Variants in SLC16A2 observed in about 807,000 individuals in gnomAD.
The protein encoded by SLC16A2 is monocarboxylate transporter 8.
Under a neutral mutation model 27.2 loss-of-function variants are expected in SLC16A2, and 3 were observed. The ratio of observed to expected loss-of-function variants is 0.11; its 90% confidence interval spans 0.05 to 0.28. The LOEUF (loss-of-function observed/expected upper bound fraction) is 0.28, where lower values mean the gene tolerates loss of function less well. SLC16A2 is among the 10% of genes least tolerant of loss of function. The pLI is 1.00. For synonymous variants in SLC16A2, 202 were observed against 187.8 expected, an observed-to-expected ratio of 1.08 and a Z score of -0.62; for missense variants, 295 against 458.5, an observed-to-expected ratio of 0.64 and a Z score of 3.26.
intron 1 of SLC16A2, among the ~76,000 whole-genome samples, chrX:74,489,271 G>T (rs4892384): frequency 0.31 from 34,023 of 110,226 alleles, 5,052 homozygotes; most frequent in East Asian, 0.86. Context: ...TTTTTACCAA[G>T]AACTCAGGAT....
At chrX:74,461,407 A>AGTGTGT (rs140818072) in intron 1 of SLC16A2, among the ~76,000 whole-genome samples, 241 of 103,815 alleles carry the variant, frequency 2.3e-3, no homozygotes, top group Non-Finnish European at 3.4e-3. Flanking sequence ...AGAGAGAGAG[A>AGTGTGT]GTGTGTGTGT....
At chrX:74,498,096 T>C (rs1473756371) in intron 1 of SLC16A2, among the ~76,000 whole-genome samples, 1 of 111,376 alleles carries the variant, frequency 9.0e-6, no homozygotes. Flanking sequence ...GGTTTAACCT[T>C]AAAGGAAGGA....
At chrX:74,442,065 C>T (rs943113301) in intron 1 of SLC16A2, among the ~76,000 whole-genome samples, 6 of 109,150 alleles carry the variant, frequency 5.5e-5, no homozygotes, top group African/African-American at 2.0e-4. Context: ...CCCGTCTCTA[C>T]TAGAAACACA....
chrX:74,427,788 CAT>C (rs1569282231), intron 1 of SLC16A2, among the ~76,000 whole-genome samples: 31 of 98,459 alleles, frequency 3.1e-4, no homozygotes, highest in Non-Finnish European at 1.2e-4. Flanking sequence ...TGCGCAAGCG[CAT>C]GCGCACGCGT....
rs1433729647 is a variant in SLC16A2 at position 74,532,426 on chromosome X, T to G, written c.*873T>G. The G allele has an allele frequency of 8.9e-6, 1 of 112,191 alleles. No homozygotes were observed. Among genetic ancestry groups the G allele is most frequent in the African/African-American group, 3.3e-5 (1 of 30,722 alleles). The allele number at this position is 112,191 out of a possible 1,213,427, so 9.2% of individuals were successfully genotyped here. ...GTGTTCCATGTTCCAGTCACTGATT[T>G]TTACAAATCTTACAGTCCAAGGCAT... On this transcript the variant is annotated 3_prime_UTR_variant, in exon 6 of 6. Transcript: ENST00000587091.
intron 1 of SLC16A2, among the ~76,000 whole-genome samples, chrX:74,501,802 T>TA (rs1171891902): frequency 5.4e-5 from 6 of 111,295 alleles, no homozygotes; most frequent in African/African-American, 1.6e-4. Context: ...TGGAGTCCTG[T>TA]GTTCAAGCAC....
intron 1 of SLC16A2, among the ~76,000 whole-genome samples, chrX:74,451,502 A>G (rs1291727113): frequency 8.9e-6 from 1 of 112,438 alleles, no homozygotes; most frequent in Non-Finnish European, 1.9e-5. Flanking sequence ...GCACTTTTCC[A>G]ATGAATCCCC....
intron 3 of SLC16A2, 34 bp from the exon 4 acceptor site, chrX:74,525,716 C>T (rs956630206): frequency 4.1e-6 from 5 of 1,210,060 alleles, no homozygotes; most frequent in African/African-American, 1.7e-5. Context: ...CTTTCTCCTC[C>T]TGTTTCTGGG....
chrX:74,512,043 T>C (rs1329257217), intron 1 of SLC16A2, among the ~76,000 whole-genome samples: 1 of 111,876 alleles, frequency 8.9e-6, no homozygotes, highest in African/African-American at 3.3e-5. Flanking sequence ...TCCTTTTAAA[T>C]ATGTTTCACC....
intron 1 of SLC16A2, among the ~76,000 whole-genome samples, chrX:74,442,018 T>C (rs1236856053): frequency 7.3e-5 from 8 of 108,997 alleles, no homozygotes; most frequent in African/African-American, 2.3e-4. Context: ...CACCTGAGGT[T>C]GGGAGTTGAA....
rs939160890 is a variant in SLC16A2 at position 74,476,244 on chromosome X, T to C, written c.431-44746T>C. 2.7e-5 allele frequency among the ~76,000 whole-genome samples: 3 copies of C among 112,044 alleles called. No individual in the cohort carries two copies. In the Admixed American group the frequency reaches 2.8e-4, roughly 11 times the overall value. On this transcript the variant is annotated intron_variant, in intron 1 of 5. Transcript: ENST00000587091. Reference sequence around the variant, plus strand: ...AGGTATTTTATTCTCTTTGAAGCAATTGTGAATGGGAGTTCACTCCTGATT... The same window carrying C: ...AGGTATTTTATTCTCTTTGAAGCAACTGTGAATGGGAGTTCACTCCTGATT...
At chrX:74,473,966 A>G (rs898972395) in intron 1 of SLC16A2, 1 of 314,152 alleles carries the variant, frequency 3.2e-6, no homozygotes, top group African/African-American at 2.7e-5. Flanking sequence ...TGGCAGAGTG[A>G]AGACAGACTT....
chrX:74,444,499 T>G, intron 1 of SLC16A2, among the ~76,000 whole-genome samples: 1 of 112,045 alleles, frequency 8.9e-6, no homozygotes, highest in Admixed American at 9.5e-5. Context: ...ATCCGAAAGC[T>G]TGGGTTCTAC....
At chrX:74,490,316 T>C (rs1006015554) in intron 1 of SLC16A2, among the ~76,000 whole-genome samples, 3 of 108,825 alleles carry the variant, frequency 2.8e-5, no homozygotes, top group African/African-American at 1.0e-4. Flanking sequence ...CCAAAGGGGG[T>C]AATTCTCCTT....
At chrX:74,527,024 C>T (rs1292917955) in intron 4 of SLC16A2, among the ~76,000 whole-genome samples, 1 of 112,144 alleles carries the variant, frequency 8.9e-6, no homozygotes, top group Non-Finnish European at 1.9e-5. Context: ...GAAGAGGCAG[C>T]AGCCCCTGCC....
At chrX:74,511,460 C>G (rs1017050615) in intron 1 of SLC16A2, among the ~76,000 whole-genome samples, 1 of 112,273 alleles carries the variant, frequency 8.9e-6, no homozygotes, top group Non-Finnish European at 1.9e-5. Flanking sequence ...GGATTACAGG[C>G]GTGAGCCACC....
intron 1 of SLC16A2, among the ~76,000 whole-genome samples, chrX:74,435,200 C>T (rs1053875831): frequency 9.1e-6 from 1 of 110,285 alleles, no homozygotes; most frequent in Non-Finnish European, 1.9e-5. Flanking sequence ...TGAATTTCAT[C>T]ATGTGCCAAT....
rs1405484241 is a variant in SLC16A2, at chrX:74,476,056, A to C, written c.431-44934A>C. On this transcript the variant is annotated intron_variant, in intron 1 of 5. Coordinates refer to ENST00000587091, the MANE Select transcript of SLC16A2 (RefSeq NM_006517.5). ...GCTTGATGGGGATGGCATTGAATCT[A>C]TAAATTACCTTGGGCAGTATGGCCA... 5.4e-5 allele frequency among the ~76,000 whole-genome samples: 6 copies of C among 111,250 alleles called. No homozygotes were observed. In the East Asian group the frequency reaches 1.4e-3, roughly 26 times the overall value.
rs368034033 is a variant in SLC16A2 at position 74,443,191 on chromosome X, AAT to A, written c.430+21125_430+21126del. Among the ~76,000 whole-genome samples, 76 of 111,463 alleles carry A rather than the reference AAT, an allele frequency of 6.8e-4. 1 individual carries two copies. Among genetic ancestry groups the A allele is most frequent in the African/African-American group, 2.5e-3 (76 of 30,635 alleles). Reference sequence around the variant, plus strand: ...ACACATTAGAGTATTGAGGAACAGAAATGTTAAGTGACTCATCCAAGGTCAAG... The same window carrying A: ...ACACATTAGAGTATTGAGGAACAGAAGTTAAGTGACTCATCCAAGGTCAAG... On this transcript the variant is annotated intron_variant, in intron 1 of 5. Transcript: ENST00000587091.
Sources: allele counts gnomAD v4.1 joint callset (sites outside exome capture counted in the v4.1 genomes callset), GRCh38; gene constraint gnomAD v4.1.1; transcripts MANE v1.5; gene names NCBI Gene and HGNC (gene_info 2026-07-23, HGNC 2026-07-21).